The following IGF1R variants were observed in gnomAD, a reference collection of about 807,000 sequenced individuals.
IGF1R encodes the protein insulin like growth factor 1 receptor.
A neutral mutation model predicts 144.6 loss-of-function variants in IGF1R; 44 were observed. The observed-to-expected ratio is 0.30, with a 90% CI of 0.24 to 0.39. IGF1R has a LOEUF of 0.39. IGF1R is among the 10% of genes least tolerant of loss of function. The pLI, the probability that IGF1R is intolerant of heterozygous loss-of-function variation, is 1.00. For missense variants in IGF1R, 1,355 were observed against 1,833.7 expected (o/e 0.74, Z 4.77); for synonymous variants, 795 against 722.8 (o/e 1.10, Z -1.60).
At chr15:98,894,490 A>G (rs920876133) in intron 3 of IGF1R, among the ~76,000 whole-genome samples, 1 of 152,244 alleles carries the variant, frequency 6.6e-6, no homozygotes, top group Non-Finnish European at 1.5e-5. Context: ...CTCAGCAATA[A>G]AAAGGAACAA....
chr15:98,917,241 C>A (rs566545551), intron 10 of IGF1R, among the ~76,000 whole-genome samples: 6 of 152,310 alleles, frequency 3.9e-5, no homozygotes, highest in African/African-American at 1.4e-4. Context: ...TTGGGTCCAT[C>A]TCTGCCCTTC....
intron 1 of IGF1R, among the ~76,000 whole-genome samples, chr15:98,655,376 T>TGGTGGG (rs1340132905): frequency 6.6e-6 from 1 of 152,232 alleles, no homozygotes; most frequent in Admixed American, 6.5e-5. Flanking sequence ...AAGTCCCAGA[T>TGGTGGG]ACCATTTTTG....
intron 2 of IGF1R, among the ~76,000 whole-genome samples, chr15:98,771,666 C>T (rs147815336): frequency 1.3e-5 from 2 of 152,232 alleles, no homozygotes; most frequent in African/African-American, 4.8e-5. Context: ...TTGGGTTTCC[C>T]CCTGCAGCTC....
At chr15:98,753,578 T>A (rs971082777) in intron 2 of IGF1R, among the ~76,000 whole-genome samples, 20 of 150,718 alleles carry the variant, frequency 1.3e-4, no homozygotes, top group African/African-American at 4.5e-4. Context: ...TTCAAGGAGA[T>A]GTGGGTTTTT....
intron 1 of IGF1R, among the ~76,000 whole-genome samples, chr15:98,671,570 C>A (rs979435652): frequency 6.6e-6 from 1 of 152,194 alleles, no homozygotes; most frequent in African/African-American, 2.4e-5. Context: ...TCTTTTCTCT[C>A]AAGTCTCAGC....
intron 2 of IGF1R, among the ~76,000 whole-genome samples, chr15:98,717,129 G>T (rs766534371): frequency 1.6e-4 from 24 of 152,298 alleles, no homozygotes; most frequent in Non-Finnish European, 3.1e-4. Flanking sequence ...CTACGTTCCT[G>T]TGTGGACAAG....
chr15:98,830,378 C>A (rs1327368905), intron 2 of IGF1R, among the ~76,000 whole-genome samples: 1 of 152,230 alleles, frequency 6.6e-6, no homozygotes, highest in Non-Finnish European at 1.5e-5. Flanking sequence ...GGGGAAGCCT[C>A]CCATCGTCTC....
intron 1 of IGF1R, among the ~76,000 whole-genome samples, chr15:98,691,369 T>TA (rs1596192173): frequency 1.5e-5 from 1 of 68,152 alleles, no homozygotes; most frequent in Non-Finnish European, 2.9e-5. Flanking sequence ...TTTTTTTTGT[T>TA]TTTTTTTTTT....
chr15:98,840,921 TC>T, intron 2 of IGF1R, among the ~76,000 whole-genome samples: 1 of 152,230 alleles, frequency 6.6e-6, no homozygotes, highest in East Asian at 1.9e-4. Context: ...CCTCAGGTGA[TC>T]CGCCCGCCTC....
At chr15:98,690,842 G>C (rs2141231337) in intron 1 of IGF1R, among the ~76,000 whole-genome samples, 1 of 152,272 alleles carries the variant, frequency 6.6e-6, no homozygotes, top group Admixed American at 6.5e-5. Context: ...GTGGGGCGGT[G>C]TTGGCGGGTC....
At chr15:98,871,734 A>G (rs1483063140) in intron 2 of IGF1R, among the ~76,000 whole-genome samples, 1 of 152,208 alleles carries the variant, frequency 6.6e-6, no homozygotes, top group East Asian at 1.9e-4. Context: ...AGACATATTA[A>G]CTAATAACAG....
chr15:98,703,613 A>G (rs2053789339), intron 1 of IGF1R, among the ~76,000 whole-genome samples: 2 of 152,082 alleles, frequency 1.3e-5, no homozygotes, highest in Non-Finnish European at 2.9e-5. Flanking sequence ...CTTTTCTTCT[A>G]TAAATGGGAG....
chr15:98,948,767 C>T, intron 20 of IGF1R, 59 bp downstream of exon 20: 3 of 1,585,018 alleles, frequency 1.9e-6, no homozygotes, highest in Non-Finnish European at 1.7e-6. Context: ...TACCTGTTTT[C>T]TTGGGTCACA....
chr15:98,811,076 G>A (rs1203232733), intron 2 of IGF1R, among the ~76,000 whole-genome samples: 2 of 151,868 alleles, frequency 1.3e-5, no homozygotes, highest in African/African-American at 4.8e-5. Flanking sequence ...TGAGGCGGCC[G>A]GATCACCTGA....
rs1341322247 is a variant in IGF1R, at chr15:98,917,351, T to C, written c.2201+475T>C. Among the ~76,000 whole-genome samples, 5 of 152,290 alleles carry C rather than the reference T, an allele frequency of 3.3e-5. No individual in the cohort carries two copies. The East Asian group carries it at 7.7e-4, about 23-fold the overall frequency. On this transcript the variant is annotated intron_variant, in intron 10 of 20. Transcript: ENST00000650285. ...CTGGAAAGGGCCTGACTTCAAAACA[T>C]AGCCAGGTGCCACAGGCATCCTGTA...
At chr15:98,723,839 C>T (rs548506499) in intron 2 of IGF1R, among the ~76,000 whole-genome samples, 4 of 152,084 alleles carry the variant, frequency 2.6e-5, no homozygotes, top group African/African-American at 4.8e-5. Flanking sequence ...TTTTTAAATG[C>T]ATGTTCTTAA....
intron 19 of IGF1R, among the ~76,000 whole-genome samples, chr15:98,946,760 G>A (rs770599809): frequency 2.6e-5 from 4 of 152,168 alleles, no homozygotes; most frequent in African/African-American, 9.7e-5. Flanking sequence ...CAGTTGGGCC[G>A]GGAGGGCCAG....
At chr15:98,936,264 T>C (rs1434619740) in intron 17 of IGF1R, among the ~76,000 whole-genome samples, 2 of 152,222 alleles carry the variant, frequency 1.3e-5, no homozygotes, top group Non-Finnish European at 2.9e-5. Context: ...AATTTCACTT[T>C]GGGTTATGAG....
chr15:98,763,426 A>C (rs2055356977), intron 2 of IGF1R, among the ~76,000 whole-genome samples: 1 of 149,866 alleles, frequency 6.7e-6, no homozygotes, highest in South Asian at 2.1e-4. Flanking sequence ...AGCAACAGTC[A>C]CCGTGGTACA....
Sources: allele counts gnomAD v4.1 joint callset (sites outside exome capture counted in the v4.1 genomes callset), GRCh38; gene constraint gnomAD v4.1.1; transcripts MANE v1.5; gene names NCBI Gene and HGNC (gene_info 2026-07-23, HGNC 2026-07-21).